Variants in RBPMS observed in about 807,000 individuals in gnomAD.
The protein encoded by RBPMS is RNA binding protein, mRNA processing factor, also known as RNA-binding protein with multiple splicing.
A neutral mutation model predicts 26.8 loss-of-function variants in RBPMS; 7 were observed. The observed-to-expected ratio is 0.26, with a 90% CI of 0.15 to 0.49. The LOEUF (loss-of-function observed/expected upper bound fraction) is 0.49, where lower values mean the gene tolerates loss of function less well. Among genes scored for constraint, RBPMS ranks in the 20% least tolerant of loss-of-function variants. RBPMS has a pLI of 0.98. For synonymous variants in RBPMS, 96 were observed against 93.3 expected (o/e 1.03, Z -0.17); for missense variants, 186 against 250.0 (o/e 0.74, Z 1.73).
intron 1 of RBPMS, among the ~76,000 whole-genome samples, chr8:30,447,579 A>C (rs1231205697): frequency 6.6e-6 from 1 of 152,218 alleles, no homozygotes; most frequent in Non-Finnish European, 1.5e-5. Context: ...ATGTAGAAAA[A>C]GATCTCCTAA....
chr8:30,549,722 G>A (rs1378691869), intron 6 of RBPMS: 7 of 569,752 alleles, frequency 1.2e-5, no homozygotes, highest in African/African-American at 2.2e-5. Flanking sequence ...CCTTCCTGGA[G>A]GCGATTTCTT....
intron 1 of RBPMS, among the ~76,000 whole-genome samples, chr8:30,435,690 G>A (rs936521218): frequency 6.6e-6 from 1 of 152,186 alleles, no homozygotes; most frequent in Non-Finnish European, 1.5e-5. Flanking sequence ...GCCTATGTGG[G>A]GGTGGATGGG....
intron 1 of RBPMS, among the ~76,000 whole-genome samples, chr8:30,429,087 C>T (rs867202208): frequency 4.0e-4 from 61 of 152,236 alleles, no homozygotes; most frequent in African/African-American, 1.3e-3. Context: ...TAGAAGTATC[C>T]TGCTAAAGTC....
In RBPMS at chr8:30,472,572, TATCA is replaced by T. The variant is rs547236044; in HGVS notation, c.67-2202_67-2199del. ...ATTTCAAGATGTGTAGTTTATTATA[TATCA>T]ATCATAACCTCAATAAAGCTGTTTA... On this transcript the variant is annotated intron_variant, in intron 1 of 8. Coordinates refer to ENST00000397323, the MANE Select transcript of RBPMS (RefSeq NM_001008710.3). Among the ~76,000 whole-genome samples the T allele has an allele frequency of 2.3e-3, 351 of 152,334 alleles. 1 individual carries two copies. Among genetic ancestry groups the T allele is most frequent in the Admixed American group, 3.9e-3 (59 of 15,302 alleles).
chr8:30,387,265 A>G (rs919999280), intron 1 of RBPMS: 7 of 152,164 alleles, frequency 4.6e-5, no homozygotes, highest in African/African-American at 1.7e-4. Flanking sequence ...CCGTGAAGAG[A>G]GGGGGGTTTA....
At chr8:30,497,728 T>TCA (rs1184425554) in intron 4 of RBPMS, among the ~76,000 whole-genome samples, 3 of 152,002 alleles carry the variant, frequency 2.0e-5, no homozygotes, top group African/African-American at 7.2e-5. Flanking sequence ...ACAGTTCTCC[T>TCA]GCCTCAGCCT....
chr8:30,388,879 G>T (rs552283706), intron 1 of RBPMS, among the ~76,000 whole-genome samples: 1 of 152,100 alleles, frequency 6.6e-6, no homozygotes, highest in Non-Finnish European at 1.5e-5. Flanking sequence ...AGCAAAAAAC[G>T]TGGAAGTGTT....
chr8:30,415,025 G>C (rs1809898130), intron 1 of RBPMS, among the ~76,000 whole-genome samples: 1 of 152,064 alleles, frequency 6.6e-6, no homozygotes, highest in African/African-American at 2.4e-5. Context: ...CTTTGTCCCA[G>C]ACTTCTGTCC....
chr8:30,556,435 C>T, intron 6 of RBPMS: 1 of 985,850 alleles, frequency 1.0e-6, no homozygotes, highest in Non-Finnish European at 1.2e-6. Context: ...GGCAGGGCTT[C>T]CTTCTCGCAG....
At chr8:30,473,312 G>A (rs1187559949) in intron 1 of RBPMS, among the ~76,000 whole-genome samples, 5 of 152,126 alleles carry the variant, frequency 3.3e-5, no homozygotes, top group Non-Finnish European at 7.3e-5. Flanking sequence ...TTTGGTAAAT[G>A]CCCATCCTTT....
chr8:30,435,368 G>T (rs757641339), intron 1 of RBPMS, among the ~76,000 whole-genome samples: 2 of 152,152 alleles, frequency 1.3e-5, no homozygotes, highest in Non-Finnish European at 2.9e-5. Context: ...CAGGCATTTA[G>T]ATAAGGGATG....
At chr8:30,388,409 ATAG>A (rs1184466624) in intron 1 of RBPMS, among the ~76,000 whole-genome samples, 11 of 149,246 alleles carry the variant, frequency 7.4e-5, no homozygotes, top group African/African-American at 2.4e-4. Flanking sequence ...CTTATAACTT[ATAG>A]CTATAGCTAT....
intron 6 of RBPMS, chr8:30,553,439 A>G (rs1826563721): frequency 1.3e-5 from 2 of 152,200 alleles, no homozygotes; most frequent in Admixed American, 1.3e-4. Flanking sequence ...CTTGGACCAG[A>G]TTATGCTGGG....
chr8:30,507,695 A>C (rs891145958), intron 5 of RBPMS, among the ~76,000 whole-genome samples: 1 of 152,190 alleles, frequency 6.6e-6, no homozygotes, highest in Non-Finnish European at 1.5e-5. Context: ...AAGAATTATA[A>C]ATTACATTAA....
intron 7 of RBPMS, among the ~76,000 whole-genome samples, chr8:30,560,420 CCAGT>C (rs1827362290): frequency 6.6e-6 from 1 of 152,106 alleles, no homozygotes; most frequent in Non-Finnish European, 1.5e-5. Context: ...CTCAGAGCAG[CCAGT>C]CATAGCCCAG....
At chr8:30,523,865 T>C (rs1823307879) in intron 5 of RBPMS, among the ~76,000 whole-genome samples, 1 of 152,200 alleles carries the variant, frequency 6.6e-6, no homozygotes, top group African/African-American at 2.4e-5. Context: ...AATGATGGTC[T>C]ACTCATTTTT....
chr8:30,481,248 G>A lies in RBPMS; in HGVS notation c.246+1871G>A, dbSNP rs538691714. ...TCCAGAGTGTTGAGATTACAAGCGT[G>A]AGCCACCACACCCAGCCTGAAGTTT... On this transcript the variant is annotated intron_variant, in intron 4 of 8. Coordinates refer to ENST00000397323, the MANE Select transcript of RBPMS (RefSeq NM_001008710.3). Among the ~76,000 whole-genome samples the A allele has an allele frequency of 8.5e-5, 13 of 152,258 alleles. No individual in the cohort carries two copies. The East Asian group carries it at 1.3e-3, about 16-fold the overall frequency.
chr8:30,547,759 C>T (rs886643013), intron 6 of RBPMS, among the ~76,000 whole-genome samples: 1 of 152,226 alleles, frequency 6.6e-6, no homozygotes, highest in African/African-American at 2.4e-5. Flanking sequence ...AGCGTCTCAT[C>T]CACCAGGAGA....
chr8:30,437,952 C>A (rs1776997083), intron 1 of RBPMS, among the ~76,000 whole-genome samples: 1 of 151,888 alleles, frequency 6.6e-6, no homozygotes, highest in Admixed American at 6.6e-5. Flanking sequence ...GAGTGAGACT[C>A]CGTCTCAAAA....
Sources: allele counts gnomAD v4.1 joint callset (sites outside exome capture counted in the v4.1 genomes callset), GRCh38; gene constraint gnomAD v4.1.1; transcripts MANE v1.5; gene names NCBI Gene and HGNC (gene_info 2026-07-23, HGNC 2026-07-21).